ARL5A: variants seen among roughly 807,000 people sequenced by gnomAD.
ARL5A encodes ARF like GTPase 5A, also known as ADP-ribosylation factor-like protein 5A.
In ARL5A, 18 loss-of-function variants were observed where a neutral mutation model predicts 25.9. That is an observed-to-expected ratio of 0.69 (90% CI 0.48 to 1.03). The LOEUF is 1.03. ARL5A is among the 50% of genes least tolerant of loss of function. The pLI is 0.00. For synonymous variants in ARL5A, 61 were observed against 67.5 expected (o/e 0.90, Z 0.47); for missense variants, 170 against 211.9 (o/e 0.80, Z 1.23).
intron 1 of ARL5A, among the ~76,000 whole-genome samples, chr2:151,817,694 A>G (rs1369402313): frequency 6.6e-6 from 1 of 152,218 alleles, no homozygotes; most frequent in African/African-American, 2.4e-5. Flanking sequence ...TGAGTTATTA[A>G]GAATAATTTA....
In ARL5A at chr2:151,828,408, G is replaced by A; in HGVS notation, c.-232C>T. 2.6e-6 allele frequency: 1 copy of A among 381,608 alleles called. No individual in the cohort carries two copies. The allele number at this position is 381,608 out of a possible 1,614,324, so 23.6% of individuals were successfully genotyped here. ...ACTCGCCTGGCTCGCGGACATCGCC[G>A]CCGCGTTGTCTGCGACGAGCCTCGC... On this transcript the variant is annotated 5_prime_UTR_variant, in exon 1 of 6. Transcript: ENST00000295087.
rs180973034 is a variant in ARL5A at position 151,800,029 on chromosome 2, A to G, written c.*3247T>C. The G allele has an allele frequency of 2.6e-5, 4 of 152,312 alleles. No individual in the cohort carries two copies. Among genetic ancestry groups the G allele is most frequent in the Admixed American group, 2.6e-4 (4 of 15,302 alleles). 9.4% of individuals were successfully genotyped at this position (152,312 alleles called of 1,614,324 possible). On this transcript the variant is annotated 3_prime_UTR_variant, in exon 6 of 6. Transcript: ENST00000295087. ...GTCTCTACCCAGCCTTGAAAAAGTG[A>G]TTGATGACAACATACAACTGGGCAG...
At chr2:151,821,866 TAG>T (rs1440455260) in intron 1 of ARL5A, among the ~76,000 whole-genome samples, 3 of 150,702 alleles carry the variant, frequency 2.0e-5, no homozygotes, top group Non-Finnish European at 4.4e-5. Flanking sequence ...TTTATTTATT[TAG>T]AGATGGAGTC....
At chr2:151,823,655 T>C (rs938549119) in intron 1 of ARL5A, among the ~76,000 whole-genome samples, 1 of 152,200 alleles carries the variant, frequency 6.6e-6, no homozygotes, top group African/African-American at 2.4e-5. Flanking sequence ...AGACTTAAGA[T>C]GCAGATCTCG....
chr2:151,821,321 T>A (rs1191181078), intron 1 of ARL5A, among the ~76,000 whole-genome samples: 1 of 152,150 alleles, frequency 6.6e-6, no homozygotes, highest in East Asian at 1.9e-4. Flanking sequence ...ACTAATATAT[T>A]TGAACATATC....
rs1294085322 is a variant in ARL5A, at chr2:151,798,918, A to AAGAT, written c.*4357_*4358insATCT. On this transcript the variant is annotated 3_prime_UTR_variant, in exon 6 of 6. Coordinates refer to ENST00000295087, the MANE Select transcript of ARL5A (RefSeq NM_012097.4). ...CCAAAGAACAGGATATCTAGCAAGC[A>AAGAT]ACAGCATAAAGATTTAAACTTTAGT... The AAGAT allele has an allele frequency of 1.3e-5, 2 of 152,172 alleles. No individual in the cohort carries two copies. The highest frequency in any genetic ancestry group is 1.3e-4 in the Admixed American group (2 of 15,280). The allele number at this position is 152,172 out of a possible 1,614,324, so 9.4% of individuals were successfully genotyped here. A position where few individuals can be genotyped will look rare whatever the true frequency, so the allele number is the denominator to read the frequency against.
In ARL5A at chr2:151,798,815, T is replaced by C. The variant is rs1051280491; in HGVS notation, c.*4461A>G. ...CATACGATACCATAGAAAATACATA[T>C]AATTTATTAGATGGGCTTAAAATCA... On this transcript the variant is annotated 3_prime_UTR_variant, in exon 6 of 6. Transcript: ENST00000295087. 10 of 148,298 alleles carry C rather than the reference T, an allele frequency of 6.7e-5. No individual in the cohort carries two copies. The highest frequency in any genetic ancestry group is 2.0e-4 in the African/African-American group (8 of 40,448). 9.2% of individuals were successfully genotyped at this position (148,298 alleles called of 1,614,324 possible).
Position 151,800,481 on chromosome 2 carries a change from A to G in ARL5A, c.*2795T>C, listed in dbSNP as rs1381072704. ...GCTTCTAAAGTCACTTTCACTGCCT[A>G]TATTAAAAATGCCAGCCATCAGTGC... On this transcript the variant is annotated 3_prime_UTR_variant, in exon 6 of 6. Coordinates refer to ENST00000295087, the MANE Select transcript of ARL5A (RefSeq NM_012097.4). The G allele has an allele frequency of 1.3e-5, 2 of 152,200 alleles. No homozygotes were observed. Among genetic ancestry groups the G allele is most frequent in the African/African-American group, 2.4e-5 (1 of 41,452 alleles). The allele number at this position is 152,200 out of a possible 1,614,324, so 9.4% of individuals were successfully genotyped here.
At chr2:151,811,091 T>G (rs1174291308) in intron 4 of ARL5A, among the ~76,000 whole-genome samples, 1 of 152,092 alleles carries the variant, frequency 6.6e-6, no homozygotes, top group East Asian at 1.9e-4. Flanking sequence ...ACACAGCTGC[T>G]GGAATTAGAG....
chr2:151,816,407 G>A (rs2099831507), intron 1 of ARL5A, among the ~76,000 whole-genome samples: 1 of 152,166 alleles, frequency 6.6e-6, no homozygotes, highest in Non-Finnish European at 1.5e-5. Context: ...CCCCAAGGTA[G>A]AACTTCCTAG....
rs150455551 is a variant in ARL5A, at chr2:151,813,097, C to A, written c.256-657G>T. On this transcript the variant is annotated intron_variant, in intron 3 of 5. Coordinates refer to ENST00000295087, the MANE Select transcript of ARL5A (RefSeq NM_012097.4). The stretch of plus-strand genomic sequence containing the variant: ...CCGTGAGCACCCAAAAGCAAGAGAT[C>A]AGCAGGAACAGATGGAGATTTAACT... Among the ~76,000 whole-genome samples, 142 of 152,308 alleles carry A rather than the reference C, an allele frequency of 9.3e-4. 2 individuals carry two copies. In the East Asian group the frequency reaches 0.022, roughly 24 times the overall value.
chr2:151,809,235 C>A (rs971055164), intron 4 of ARL5A, among the ~76,000 whole-genome samples: 1 of 152,076 alleles, frequency 6.6e-6, no homozygotes, highest in Non-Finnish European at 1.5e-5. Flanking sequence ...AACCTTCTGA[C>A]AAATACTTGG....
chr2:151,824,805 G>C (rs1279232651), intron 1 of ARL5A, among the ~76,000 whole-genome samples: 1 of 152,280 alleles, frequency 6.6e-6, no homozygotes, highest in East Asian at 1.9e-4. Flanking sequence ...TAAAATCCAG[G>C]TGTGTGTGCG....
At chr2:151,828,103 C>T (rs1047504039) in intron 1 of ARL5A, 28 bp downstream of exon 1, 1 of 1,606,278 alleles carries the variant, frequency 6.2e-7, no homozygotes, top group Non-Finnish European at 8.5e-7. Context: ...TCTCCCCAAC[C>T]CGTACGCCCG....
At chr2:151,816,315 A>G (rs2099831488) in intron 1 of ARL5A, among the ~76,000 whole-genome samples, 1 of 152,158 alleles carries the variant, frequency 6.6e-6, no homozygotes, top group Non-Finnish European at 1.5e-5. Context: ...ACAAATAAAG[A>G]AGCCATCTTG....
rs763478693 is a variant in ARL5A, at chr2:151,806,880, T to C, written c.432A>G (p.Leu144=). The C allele has an allele frequency of 3.7e-6, 6 of 1,613,580 alleles. No individual in the cohort carries two copies. In the Admixed American group the frequency reaches 8.3e-5, roughly 22 times the overall value. ...TVAEISQFLK[L]TSIKDHQWHI... ...GCCACTGGTGATCTTTAATAGAAGT[T>C]AGCTTCAAAAACTGGGAGATTTCTG... The change falls in exon 5 of 6, where the codon CTA becomes CTG. Residue 144 remains leucine, a synonymous_variant. Coordinates refer to ENST00000295087, the MANE Select transcript of ARL5A (RefSeq NM_012097.4).
intron 4 of ARL5A, chr2:151,810,627 G>A (rs940931617): frequency 2.3e-6 from 1 of 429,490 alleles, no homozygotes; most frequent in Non-Finnish European, 4.7e-6. Context: ...AGCTAGTCAA[G>A]TCACATAACC....
chr2:151,805,665 C>CTA, intron 5 of ARL5A, among the ~76,000 whole-genome samples: 1 of 152,140 alleles, frequency 6.6e-6, no homozygotes, highest in Non-Finnish European at 1.5e-5. Flanking sequence ...ACCTATACAG[C>CTA]ATGTTACTGT....
Position 151,799,835 on chromosome 2 carries a change from T to G in ARL5A, c.*3441A>C, listed in dbSNP as rs2099829173. On this transcript the variant is annotated 3_prime_UTR_variant, in exon 6 of 6. Transcript: ENST00000295087. ...GGAAACCATTGTCTATAACAATAGT[T>G]ACAAAGAAAGTTTAGAATAACCTCC... 1 of 152,194 alleles carries G rather than the reference T, an allele frequency of 6.6e-6. No homozygotes were observed. The highest frequency in any genetic ancestry group is 6.5e-5 in the Admixed American group (1 of 15,278). The allele number at this position is 152,194 out of a possible 1,614,324, so 9.4% of individuals were successfully genotyped here.
Sources: gnomAD v4.1 joint callset for allele counts (sites outside exome capture counted in the v4.1 genomes callset) on GRCh38, gnomAD v4.1.1 for gene constraint, MANE v1.5 for transcripts, NCBI Gene and HGNC (gene_info 2026-07-23, HGNC 2026-07-21) for gene names.